Variants in TENM2 observed in about 807,000 individuals in gnomAD.
TENM2 encodes the protein teneurin-2.
A neutral mutation model predicts 245.2 loss-of-function variants in TENM2; 52 were observed. The observed-to-expected ratio is 0.21, with a 90% CI of 0.17 to 0.27. TENM2 has a LOEUF of 0.27. Ranked by LOEUF, TENM2 falls within the 10% of genes least tolerant of loss-of-function variation. The pLI is 1.00. For synonymous variants in TENM2, 1,363 were observed against 1,438.9 expected (o/e 0.95, Z 1.19); for missense variants, 3,046 against 3,666.8 (o/e 0.83, Z 4.37).
At position 168,200,148 on chromosome 5, in the gene TENM2, A is replaced by G. The variant is rs181144833; in HGVS notation, c.3430+17A>G. 1.4e-5 allele frequency: 23 copies of G among 1,605,974 alleles called. No homozygotes were observed. The East Asian group carries it at 3.1e-4, about 22-fold the overall frequency. ...ATGCTGTTGGTATGTTTTGGTTTCA[A>G]CCACTTATTGATCAATGGATTTAGT... On this transcript the variant is annotated intron_variant, in intron 17 of 28. Coordinates refer to ENST00000518659, the Ensembl canonical transcript of TENM2.
chr5:168,240,711 G>A (rs976575787), intron 25 of TENM2, among the ~76,000 whole-genome samples: 3 of 138,400 alleles, frequency 2.2e-5, no homozygotes, highest in Non-Finnish European at 5.0e-5. Context: ...CCTATGATAT[G>A]AGCAAAAAGA....
chr5:168,180,457 TCCTGCA>T (rs1457405872), intron 13 of TENM2, among the ~76,000 whole-genome samples: 1 of 152,216 alleles, frequency 6.6e-6, no homozygotes, highest in Non-Finnish European at 1.5e-5. Context: ...CGTATTAACA[TCCTGCA>T]GGAGACAGAG....
At chr5:168,115,676 C>T (rs576629034) in intron 9 of TENM2, among the ~76,000 whole-genome samples, 278 of 152,202 alleles carry the variant, frequency 1.8e-3, no homozygotes, top group Admixed American at 3.3e-3. Flanking sequence ...CCATACTTCT[C>T]GCTGTTTTTT....
intron 2 of TENM2, among the ~76,000 whole-genome samples, chr5:167,429,192 G>A (rs936853885): frequency 2.0e-5 from 3 of 152,166 alleles, no homozygotes; most frequent in African/African-American, 7.2e-5. Flanking sequence ...ACTTCTGGCA[G>A]GGATGAGGAT....
At chr5:167,993,791 A>G (rs1216260242) in intron 5 of TENM2, among the ~76,000 whole-genome samples, 2 of 152,150 alleles carry the variant, frequency 1.3e-5, no homozygotes, top group East Asian at 3.9e-4. Flanking sequence ...CTCTCTCCTC[A>G]CCATGGACAG....
chr5:167,014,235 T>C, the TENM2 span, among the ~76,000 whole-genome samples: 1 of 147,632 alleles, frequency 6.8e-6, no homozygotes, highest in Non-Finnish European at 1.5e-5. Flanking sequence ...GAATTAGAAA[T>C]GGATGATGGC....
chr5:167,534,755 A>G lies in TENM2; in HGVS notation c.502+159282A>G, dbSNP rs149395812. 4.1e-3 allele frequency among the ~76,000 whole-genome samples: 630 copies of G among 152,296 alleles called. 7 individuals carry two copies. The highest frequency in any genetic ancestry group is 6.2e-3 in the Non-Finnish European group (423 of 68,022). ...ACAGCTGTGATGGCGTAGGGATAAC[A>G]CGGTGAGAGCTGATGAGAACTCCCC... On this transcript the variant is annotated intron_variant, in intron 2 of 28. Coordinates refer to ENST00000518659, the Ensembl canonical transcript of TENM2.
chr5:167,009,839 T>C, the TENM2 span, among the ~76,000 whole-genome samples: 5 of 152,198 alleles, frequency 3.3e-5, no homozygotes, highest in African/African-American at 1.2e-4. Flanking sequence ...ATCCATCACA[T>C]TGGTTTTTAG....
the TENM2 span, among the ~76,000 whole-genome samples, chr5:167,108,694 C>G: frequency 2.6e-5 from 4 of 152,212 alleles, no homozygotes; most frequent in African/African-American, 9.7e-5. Context: ...GGTTCTCATC[C>G]TTGCAGCAAC....
At chr5:168,048,251 G>A (rs1244042944) in intron 6 of TENM2, among the ~76,000 whole-genome samples, 2 of 152,136 alleles carry the variant, frequency 1.3e-5, no homozygotes, top group Non-Finnish European at 2.9e-5. Flanking sequence ...GGAGACTGGA[G>A]CAATTAAGAC....
chr5:167,238,526 T>A, the TENM2 span, among the ~76,000 whole-genome samples: 1 of 152,136 alleles, frequency 6.6e-6, no homozygotes, highest in East Asian at 1.9e-4. Context: ...ATGACAAGAT[T>A]AGGTATTGAG....
At chr5:167,616,342 A>G (rs953966682) in intron 2 of TENM2, among the ~76,000 whole-genome samples, 1 of 152,132 alleles carries the variant, frequency 6.6e-6, no homozygotes, top group Non-Finnish European at 1.5e-5. Flanking sequence ...ATGGGGTGTG[A>G]ACTGATCACT....
the TENM2 span, among the ~76,000 whole-genome samples, chr5:167,056,857 T>C: frequency 9.9e-5 from 15 of 151,724 alleles, no homozygotes; most frequent in African/African-American, 3.6e-4. Context: ...TTCCTGGGTC[T>C]GTGGTTTCAT....
At chr5:167,923,279 A>C (rs1408037934) in intron 3 of TENM2, among the ~76,000 whole-genome samples, 1 of 151,928 alleles carries the variant, frequency 6.6e-6, no homozygotes, top group Non-Finnish European at 1.5e-5. Flanking sequence ...AGATCGCACC[A>C]CTGCATTGCA....
At chr5:167,846,124 A>G (rs1770017803) in intron 2 of TENM2, among the ~76,000 whole-genome samples, 1 of 152,176 alleles carries the variant, frequency 6.6e-6, no homozygotes. Context: ...GGTCCCTTTC[A>G]TAGTAGCTAC....
intron 9 of TENM2, 32 bp from the exon 12 acceptor site, chr5:168,118,260 G>A (rs746709465): frequency 5.5e-5 from 80 of 1,465,934 alleles, no homozygotes; most frequent in East Asian, 1.2e-4. Context: ...CTGGCCCTTC[G>A]TGACCTAGTG....
intron 1 of TENM2, among the ~76,000 whole-genome samples, chr5:167,358,583 G>A (rs114237312): frequency 1.1e-3 from 169 of 151,632 alleles, no homozygotes; most frequent in Non-Finnish European, 2.2e-3. Context: ...AAAGTGACCC[G>A]GGGCTCAATT....
intron 2 of TENM2, among the ~76,000 whole-genome samples, chr5:167,791,987 C>T (rs1048710173): frequency 6.6e-6 from 1 of 152,120 alleles, no homozygotes; most frequent in Admixed American, 6.6e-5. Context: ...GGAAGAGTGT[C>T]ACTTACCATT....
At chr5:167,514,740 G>A (rs745707480) in intron 2 of TENM2, among the ~76,000 whole-genome samples, 7 of 152,188 alleles carry the variant, frequency 4.6e-5, no homozygotes, top group Non-Finnish European at 1.0e-4. Flanking sequence ...CAAAGGTTGA[G>A]TGGCTCACAC....
Sources: allele counts gnomAD v4.1 joint callset (sites outside exome capture counted in the v4.1 genomes callset), GRCh38; gene constraint gnomAD v4.1.1; transcripts MANE v1.5; gene names NCBI Gene and HGNC (gene_info 2026-07-23, HGNC 2026-07-21).